The following CNTN3 variants were observed in gnomAD, a reference collection of about 807,000 sequenced individuals.
CNTN3 encodes contactin-3.
In CNTN3, 60 loss-of-function variants were observed where a neutral mutation model predicts 119.1. The observed-to-expected ratio is 0.50, with a 90% CI of 0.41 to 0.62. The LOEUF (loss-of-function observed/expected upper bound fraction) is 0.62. Ranked by LOEUF, CNTN3 falls within the 20% of genes least tolerant of loss-of-function variation. CNTN3 has a pLI of 0.00. For missense variants in CNTN3, 1,101 were observed against 1,242.4 expected (o/e 0.89, Z 1.71); for synonymous variants, 450 against 438.7 (o/e 1.03, Z -0.32).
intron 1 of CNTN3, among the ~76,000 whole-genome samples, chr3:74,537,477 T>C (rs111993251): frequency 2.0e-5 from 3 of 152,276 alleles, no homozygotes; most frequent in African/African-American, 7.2e-5. Context: ...TCAATGCATT[T>C]GGGAACCACT....
At chr3:74,561,285 C>T (rs981620520) in intron 1 of CNTN3, among the ~76,000 whole-genome samples, 14 of 152,072 alleles carry the variant, frequency 9.2e-5, no homozygotes, top group African/African-American at 3.4e-4. Context: ...CTCCCAGCAG[C>T]CAATGTTCAA....
chr3:74,278,132 A>G (rs1203610355), intron 20 of CNTN3, among the ~76,000 whole-genome samples: 1 of 152,142 alleles, frequency 6.6e-6, no homozygotes, highest in African/African-American at 2.4e-5. Flanking sequence ...AAACAAATGG[A>G]AACACATCCC....
intron 1 of CNTN3, among the ~76,000 whole-genome samples, chr3:74,565,756 G>A (rs1411419163): frequency 1.3e-5 from 2 of 152,136 alleles, no homozygotes; most frequent in African/African-American, 2.4e-5. Context: ...GAAGGTTGCT[G>A]TAATTGAAAG....
At chr3:74,341,176 T>C (rs1703534875) in intron 11 of CNTN3, among the ~76,000 whole-genome samples, 1 of 152,198 alleles carries the variant, frequency 6.6e-6, no homozygotes, top group Non-Finnish European at 1.5e-5. Flanking sequence ...GTTCTTCCAG[T>C]AAGTTCTAAG....
chr3:74,339,273 T>C (rs1284914340), intron 11 of CNTN3, among the ~76,000 whole-genome samples: 2 of 152,094 alleles, frequency 1.3e-5, no homozygotes, highest in Non-Finnish European at 2.9e-5. Context: ...ATACAGACTA[T>C]ATCCTAAGCC....
At chr3:74,315,757 T>C (rs992276092) in intron 13 of CNTN3, among the ~76,000 whole-genome samples, 3 of 152,296 alleles carry the variant, frequency 2.0e-5, no homozygotes, top group Non-Finnish European at 2.9e-5. Flanking sequence ...TGGTTATTCA[T>C]ATGCAGAAGA....
chr3:74,412,960 A>C (rs1168814160), intron 5 of CNTN3, among the ~76,000 whole-genome samples: 2 of 152,192 alleles, frequency 1.3e-5, no homozygotes, highest in African/African-American at 4.8e-5. Context: ...GAAGACCACA[A>C]AGGTCAAATA....
intron 11 of CNTN3, among the ~76,000 whole-genome samples, chr3:74,347,171 ATAT>A (rs1703711412): frequency 6.6e-6 from 1 of 152,200 alleles, no homozygotes; most frequent in East Asian, 1.9e-4. Context: ...TAGGTAGGAA[ATAT>A]TATGTCATAA....
At chr3:74,411,412 C>T (rs1701436683) in intron 5 of CNTN3, among the ~76,000 whole-genome samples, 1 of 152,078 alleles carries the variant, frequency 6.6e-6, no homozygotes, top group African/African-American at 2.4e-5. Context: ...CTGCAAGATG[C>T]TCCATAAACA....
chr3:74,587,012 C>G (rs1704604304), intron 1 of CNTN3, among the ~76,000 whole-genome samples: 2 of 152,014 alleles, frequency 1.3e-5, no homozygotes, highest in Admixed American at 1.3e-4. Flanking sequence ...GGGACTTGCC[C>G]ATTTCTCCTT....
intron 20 of CNTN3, among the ~76,000 whole-genome samples, chr3:74,268,446 C>T (rs1378325078): frequency 6.6e-6 from 1 of 152,122 alleles, no homozygotes; most frequent in Non-Finnish European, 1.5e-5. Flanking sequence ...TTCTAAACAT[C>T]ATTGACTCAT....
intron 1 of CNTN3, among the ~76,000 whole-genome samples, chr3:74,548,968 C>T (rs1703950886): frequency 6.6e-6 from 1 of 152,180 alleles, no homozygotes; most frequent in African/African-American, 2.4e-5. Flanking sequence ...TACTCTCAAA[C>T]AACCTAGGTA....
At chr3:74,451,013 C>A (rs146490858) in intron 4 of CNTN3, among the ~76,000 whole-genome samples, 321 of 152,176 alleles carry the variant, frequency 2.1e-3, no homozygotes, top group Middle Eastern at 6.8e-3. Context: ...ATTTATAGTC[C>A]TTTGGGTATA....
At position 74,364,521 on chromosome 3, in the gene CNTN3, T is replaced by C. The variant is rs1360201980; in HGVS notation, c.1159A>G (p.Ile387Val). Residue 387 changes from isoleucine to valine, a missense_variant, in exon 10 of 23, where the codon ATA (isoleucine) becomes GTA (valine). Ile to Val is a conservative substitution (Grantham distance 29). Coordinates refer to ENST00000263665, the MANE Select transcript of CNTN3 (RefSeq NM_020872.3). ...SVTDSGMFQC[I>V]AENKHGLVYS... ...ACAAGGCCATGTTTGTTTTCTGCTA[T>C]GCATTGGAACATGCCAGAATCAGTC... 7 of 1,612,678 alleles carry C rather than the reference T, an allele frequency of 4.3e-6. No homozygotes were observed. Among genetic ancestry groups the C allele is most frequent in the African/African-American group, 4.0e-5 (3 of 74,868 alleles).
intron 11 of CNTN3, among the ~76,000 whole-genome samples, chr3:74,357,235 A>G (rs546838780): frequency 2.0e-5 from 3 of 151,068 alleles, no homozygotes; most frequent in Non-Finnish European, 4.4e-5. Context: ...CGATTATTCA[A>G]ATCTATTATA....
At chr3:74,427,600 T>A (rs1480405457) in intron 4 of CNTN3, among the ~76,000 whole-genome samples, 1 of 152,040 alleles carries the variant, frequency 6.6e-6, no homozygotes, top group Non-Finnish European at 1.5e-5. Context: ...AAAAACAAAC[T>A]AAGATGATAA....
intron 18 of CNTN3, among the ~76,000 whole-genome samples, chr3:74,297,750 G>A (rs903757047): frequency 2.0e-4 from 31 of 151,996 alleles, no homozygotes; most frequent in African/African-American, 7.3e-4. Context: ...TTCCTTTCAC[G>A]GTTACATCCT....
chr3:74,604,433 G>A (rs1704960792), intron 1 of CNTN3, among the ~76,000 whole-genome samples: 1 of 151,932 alleles, frequency 6.6e-6, no homozygotes, highest in South Asian at 2.1e-4. Flanking sequence ...TTAATATTCA[G>A]AATGTATAAG....
chr3:74,496,059 A>T (rs1191916600), intron 3 of CNTN3, among the ~76,000 whole-genome samples: 3 of 152,050 alleles, frequency 2.0e-5, no homozygotes, highest in Non-Finnish European at 4.4e-5. Flanking sequence ...CTTGAAATGA[A>T]GCTTCTGTGA....
Sources: gnomAD v4.1 joint callset for allele counts (sites outside exome capture counted in the v4.1 genomes callset) on GRCh38, gnomAD v4.1.1 for gene constraint, MANE v1.5 for transcripts, NCBI Gene and HGNC (gene_info 2026-07-23, HGNC 2026-07-21) for gene names.